LAMP5: variants seen among roughly 807,000 people sequenced by gnomAD.
LAMP5 encodes the protein lysosome associated membrane protein 5, also known as lysosome-associated membrane glycoprotein 5.
Under a neutral mutation model 30.2 loss-of-function variants are expected in LAMP5, and 36 were observed. The ratio of observed to expected loss-of-function variants is 1.19; its 90% CI spans 0.91 to 1.57. The LOEUF (loss-of-function observed/expected upper bound fraction) is 1.57. LAMP5 is among the 40% of genes most tolerant of loss of function. The probability of loss-of-function intolerance (pLI) is 0.00; values close to 1 mark genes in which losing one functional copy is unlikely to be tolerated. For missense variants in LAMP5, 377 were observed against 354.9 expected, an observed-to-expected ratio of 1.06 and a Z score of -0.50; for synonymous variants, 149 against 134.6, an observed-to-expected ratio of 1.11 and a Z score of -0.74.
chr20:9,516,668 G>T (rs2045042799), intron 4 of LAMP5, among the ~76,000 whole-genome samples: 1 of 152,082 alleles, frequency 6.6e-6, no homozygotes, highest in Non-Finnish European at 1.5e-5. Flanking sequence ...TTATGATTTG[G>T]CCTTTGAAGG....
At chr20:9,515,306 G>A (rs2045027712) in intron 1 of LAMP5, 147 bp from the exon 2 acceptor site, 1 of 657,034 alleles carries the variant, frequency 1.5e-6, no homozygotes, top group Non-Finnish European at 2.6e-6. Flanking sequence ...TGTTAGACCC[G>A]GGTTAGAGAA....
intron 4 of LAMP5, among the ~76,000 whole-genome samples, chr20:9,516,766 G>T (rs955803087): frequency 6.6e-6 from 1 of 152,168 alleles, no homozygotes; most frequent in African/African-American, 2.4e-5. Flanking sequence ...GGGGCAGTGC[G>T]ACTTTCCTTT....
At chr20:9,529,068 A>T (rs1322164833) in intron 5 of LAMP5, among the ~76,000 whole-genome samples, 1 of 152,208 alleles carries the variant, frequency 6.6e-6, no homozygotes, top group African/African-American at 2.4e-5. Context: ...TTTATGTTCA[A>T]GTCTTTTCCT....
chr20:9,520,763 G>A (rs1161032201), intron 5 of LAMP5, among the ~76,000 whole-genome samples: 1 of 152,186 alleles, frequency 6.6e-6, no homozygotes, highest in East Asian at 1.9e-4. Flanking sequence ...TGTCCACGAA[G>A]TCGGTAAGTG....
rs761808367 is a variant in LAMP5 at position 9,516,034 on chromosome 20, G to T, written c.272G>T (p.Arg91Leu). 1.3e-5 allele frequency: 20 copies of T among 1,533,968 alleles called. No homozygotes were observed. The highest frequency in any genetic ancestry group is 1.7e-5 in the Non-Finnish European group (19 of 1,147,070). ...ITEQADIALT[R>L]GAEVKGRCGH... ...GAACAGGCCGATATCGCATTGACCC[G>T]GGGAGCTGAGGTGAAGGGCCGCTGT... The change falls in exon 3 of 6, where the codon CGG (arginine) becomes CTG (leucine). Residue 91 changes from arginine to leucine, a missense_variant. Physicochemically the swap from Arg to Leu is moderately radical, Grantham distance 102. Transcript: ENST00000246070.
At chr20:9,519,162 T>C (rs1007831215) in intron 5 of LAMP5, among the ~76,000 whole-genome samples, 1 of 152,360 alleles carries the variant, frequency 6.6e-6, no homozygotes, top group African/African-American at 2.4e-5. Flanking sequence ...TCATTTATTC[T>C]CTCTCCCTCA....
intron 5 of LAMP5, among the ~76,000 whole-genome samples, chr20:9,524,868 A>C (rs1015507130): frequency 1.3e-5 from 2 of 152,188 alleles, no homozygotes; most frequent in Admixed American, 1.3e-4. Context: ...CAAACAAGTG[A>C]TTACAAAGTA....
At chr20:9,524,908 G>C (rs919194061) in intron 5 of LAMP5, among the ~76,000 whole-genome samples, 1 of 152,154 alleles carries the variant, frequency 6.6e-6, no homozygotes, top group Non-Finnish European at 1.5e-5. Context: ...TGTGGATTTT[G>C]AAACAGTGGA....
chr20:9,520,327 C>T (rs551938765), intron 5 of LAMP5, among the ~76,000 whole-genome samples: 2 of 152,124 alleles, frequency 1.3e-5, no homozygotes, highest in Non-Finnish European at 2.9e-5. Context: ...TTTTTTTGTT[C>T]CTGGCTCCTC....
Position 9,515,639 on chromosome 20 carries a change from C to G in LAMP5, c.237+14C>G. 1 of 1,553,052 alleles carries G rather than the reference C, an allele frequency of 6.4e-7. No homozygotes were observed. The highest frequency in any genetic ancestry group is 8.7e-7 in the Non-Finnish European group (1 of 1,152,174). On this transcript the variant is annotated intron_variant, in intron 2 of 5. Transcript: ENST00000246070. Reference sequence around the variant, plus strand: ...AACTACGTAGATGTAAGGAATCTTTCCCCCCCCTCAGCTTGCTCCTAGGGC... The same window carrying G: ...AACTACGTAGATGTAAGGAATCTTTGCCCCCCCTCAGCTTGCTCCTAGGGC...
intron 5 of LAMP5, among the ~76,000 whole-genome samples, chr20:9,518,603 TAA>T (rs889087638): frequency 2.0e-5 from 3 of 152,360 alleles, no homozygotes; most frequent in African/African-American, 7.2e-5. Flanking sequence ...GAGAAAGATT[TAA>T]AAAGTCACTT....
rs1048416535 is a variant in LAMP5, at chr20:9,528,675, G to A, written c.665-967G>A. 5.3e-5 allele frequency among the ~76,000 whole-genome samples: 8 copies of A among 152,176 alleles called. 1 individual carries two copies. The highest frequency in any genetic ancestry group is 4.2e-4 in the South Asian group (2 of 4,812). On this transcript the variant is annotated intron_variant, in intron 5 of 5. Transcript: ENST00000246070. ...CTAAAATGTATGGTTTAATGCTTTC[G>A]TACTTATATTTGCAACCATGTAAAC...
chr20:9,520,365 G>A (rs571162140), intron 5 of LAMP5, among the ~76,000 whole-genome samples: 4 of 152,196 alleles, frequency 2.6e-5, no homozygotes, highest in Admixed American at 6.5e-5. Flanking sequence ...CACCTGCCCC[G>A]ACTTTGTTTT....
At chr20:9,518,927 C>T (rs565051796) in intron 5 of LAMP5, among the ~76,000 whole-genome samples, 3 of 152,290 alleles carry the variant, frequency 2.0e-5, no homozygotes, top group East Asian at 3.9e-4. Context: ...AAGGCTGAGC[C>T]GTTTAAGGCC....
At chr20:9,520,991 A>G (rs1050973959) in intron 5 of LAMP5, among the ~76,000 whole-genome samples, 1 of 152,140 alleles carries the variant, frequency 6.6e-6, no homozygotes, top group East Asian at 1.9e-4. Context: ...GGGCCCCAAG[A>G]AGCTCCATTG....
chr20:9,514,983 T>C, intron 1 of LAMP5, 67 bp downstream of exon 1: 1 of 1,381,504 alleles, frequency 7.2e-7, no homozygotes, highest in Non-Finnish European at 1.0e-6. Context: ...GCCGGCAAAG[T>C]AAAGTCAATT....
At position 9,514,646 on chromosome 20, in the gene LAMP5, G is replaced by A. The variant is rs1603165513; in HGVS notation, c.-207G>A. On this transcript the variant is annotated 5_prime_UTR_variant, in exon 1 of 6. Transcript: ENST00000246070. ...GCCGTGCGGTCCTTTCCTCCGCAGTGAGCCGATTTGCTCTGCCAGCAGCTG... is the reference window on the plus strand; with the variant it reads ...GCCGTGCGGTCCTTTCCTCCGCAGTAAGCCGATTTGCTCTGCCAGCAGCTG... The A allele has an allele frequency of 2.3e-5, 12 of 525,588 alleles. No individual in the cohort carries two copies. In the South Asian group the frequency reaches 2.5e-4, roughly 11 times the overall value. The allele number at this position is 525,588 out of a possible 1,614,324, so 32.6% of individuals were successfully genotyped here.
At chr20:9,529,212 T>C (rs532159653) in intron 5 of LAMP5, among the ~76,000 whole-genome samples, 1 of 152,364 alleles carries the variant, frequency 6.6e-6, no homozygotes, top group East Asian at 1.9e-4. Context: ...TACAAGTTCC[T>C]GTCATTCCAC....
rs1568941942 is a variant in LAMP5 at position 9,514,907 on chromosome 20, ATGT to A, written c.60_62del (p.Leu20del). The A allele has an allele frequency of 4.3e-6, 7 of 1,614,076 alleles. No homozygotes were observed. Among genetic ancestry groups the A allele is most frequent in the Non-Finnish European group, 5.1e-6 (6 of 1,179,976 alleles). On this transcript the variant is annotated inframe_deletion, in exon 1 of 6. Transcript: ENST00000246070. ...CATCGACAGACTTCGAGTTCTCCTG[ATGT>A]TGTTCCGTGAGTAGCGATTTGGCGA...
Sources: gnomAD v4.1 joint callset for allele counts (sites outside exome capture counted in the v4.1 genomes callset) on GRCh38, gnomAD v4.1.1 for gene constraint, MANE v1.5 for transcripts, NCBI Gene and HGNC (gene_info 2026-07-23, HGNC 2026-07-21) for gene names.